CC2D2B: variants seen among roughly 807,000 people sequenced by gnomAD.
CC2D2B encodes the protein coiled-coil and C2 domain containing 2B, also known as protein CC2D2B.
In CC2D2B, 128 loss-of-function variants were observed where a neutral mutation model predicts 161.2. The ratio of observed to expected loss-of-function variants is 0.79; its 90% CI spans 0.69 to 0.92. The LOEUF is 0.92. CC2D2B is among the 40% of genes least tolerant of loss of function. CC2D2B has a pLI of 0.00. For missense variants in CC2D2B, 1,173 were observed against 1,375.1 expected, an observed-to-expected ratio of 0.85 and a Z score of 2.32; for synonymous variants, 391 against 449.8, an observed-to-expected ratio of 0.87 and a Z score of 1.65.
chr10:96,026,063 G>C (rs1414772735), intron 33 of CC2D2B, among the ~76,000 whole-genome samples: 1 of 152,164 alleles, frequency 6.6e-6, no homozygotes, highest in Non-Finnish European at 1.5e-5. Context: ...TCAATATCTG[G>C]AGGTGAAACA....
rs376467214 is a variant in CC2D2B at position 95,988,860 on chromosome 10, A to G, written c.2379+518A>G. Among the ~76,000 whole-genome samples the G allele has an allele frequency of 1.4e-4, 22 of 152,210 alleles. No homozygotes were observed. The South Asian group carries it at 4.6e-3, about 32-fold the overall frequency. ...TCACTGGATTTCATGCCTGATTTCT[A>G]TCAACCCCTCATCATGCCACTAGAC... On this transcript the variant is annotated intron_variant, in intron 20 of 34. Coordinates refer to ENST00000646931, the MANE Select transcript of CC2D2B (RefSeq NM_001349008.3).
chr10:95,986,673 T>G (rs1049866662), intron 19 of CC2D2B, among the ~76,000 whole-genome samples: 4 of 152,098 alleles, frequency 2.6e-5, no homozygotes, highest in Non-Finnish European at 5.9e-5. Flanking sequence ...CTCGGCTCAG[T>G]GCAACCTCCA....
intron 9 of CC2D2B, among the ~76,000 whole-genome samples, chr10:95,947,650 G>A (rs533815407): frequency 1.3e-5 from 2 of 152,006 alleles, no homozygotes; most frequent in Non-Finnish European, 2.9e-5. Context: ...GCTGAGGCAG[G>A]AGCATCGCTT....
intron 7 of CC2D2B, 46 bp from the exon 8 acceptor site, chr10:95,938,523 A>T (rs1030492339): frequency 1.5e-6 from 1 of 650,054 alleles, no homozygotes. Context: ...ATATCCATTT[A>T]ATATTTTGGA....
chr10:96,019,905 T>C, intron 32 of CC2D2B, 81 bp downstream of exon 32: 2 of 1,273,344 alleles, frequency 1.6e-6, no homozygotes, highest in South Asian at 1.6e-5. Flanking sequence ...GCTCTTATTA[T>C]GTTTTATAGT....
chr10:95,916,303 G>A (rs1322587262), intron 2 of CC2D2B, among the ~76,000 whole-genome samples: 1 of 151,600 alleles, frequency 6.6e-6, no homozygotes, highest in African/African-American at 2.4e-5. Flanking sequence ...TTGTCTTAGT[G>A]AGTCTGGCTA....
intron 14 of CC2D2B, among the ~76,000 whole-genome samples, chr10:95,967,462 ATCTATT>A (rs140602504): frequency 0.071 from 10,772 of 152,098 alleles, 1,232 homozygotes; most frequent in East Asian, 0.6. Flanking sequence ...CATTGCTGTC[ATCTATT>A]TAACACACCC....
At position 96,026,792 on chromosome 10, in the gene CC2D2B, T is replaced by A. The variant is rs138899127; in HGVS notation, c.3948-420T>A. 1.2e-4 allele frequency among the ~76,000 whole-genome samples: 18 copies of A among 152,216 alleles called. No homozygotes were observed. In the East Asian group the frequency reaches 3.1e-3, roughly 26 times the overall value. On this transcript the variant is annotated intron_variant, in intron 33 of 34. Transcript: ENST00000646931. ...CACCTCTAGCTATAGAGCTCTGGTTTCCTCCTAAGTCCAAAAAGTATCATT... is the reference window on the plus strand; with the variant it reads ...CACCTCTAGCTATAGAGCTCTGGTTACCTCCTAAGTCCAAAAAGTATCATT...
chr10:95,955,385 T>TC lies in CC2D2B; in HGVS notation c.1012-9_1012-8insC, dbSNP rs2076538415. On this transcript the variant is annotated splice_polypyrimidine_tract_variant and intron_variant, in intron 10 of 34. Transcript: ENST00000646931. ...AATATACCGAAGAGCTCTTTTTTTT[T>TC]TGTTATAGCTGAAAGCACTGACAGA... The TC allele has an allele frequency of 5.0e-6, 2 of 398,002 alleles. No homozygotes were observed. The highest frequency in any genetic ancestry group is 4.4e-5 in the Admixed American group (1 of 22,652). 24.7% of individuals were successfully genotyped at this position (398,002 alleles called of 1,614,324 possible).
At chr10:95,917,040 T>C (rs1044027691) in intron 2 of CC2D2B, among the ~76,000 whole-genome samples, 3 of 152,216 alleles carry the variant, frequency 2.0e-5, no homozygotes, top group African/African-American at 7.2e-5. Flanking sequence ...CGTTTAGCTC[T>C]AATAATATTT....
intron 9 of CC2D2B, among the ~76,000 whole-genome samples, chr10:95,947,763 A>G (rs2076273741): frequency 6.6e-6 from 1 of 152,102 alleles, no homozygotes; most frequent in African/African-American, 2.4e-5. Context: ...ATAAAAAAAA[A>G]AAAAGATGGA....
chr10:95,910,276 T>G lies in CC2D2B; in HGVS notation c.-23-1025T>G, dbSNP rs561813769. On this transcript the variant is annotated intron_variant, in intron 1 of 34. Coordinates refer to ENST00000646931, the MANE Select transcript of CC2D2B (RefSeq NM_001349008.3). ...ATGATACTCTTGTATTAGGCCATTC[T>G]TGCGTTGCAATAGAAGAATACTGGG... Among the ~76,000 whole-genome samples the G allele has an allele frequency of 7.9e-5, 12 of 152,388 alleles. No homozygotes were observed. The East Asian group carries it at 2.3e-3, about 29-fold the overall frequency.
Position 96,024,885 on chromosome 10 carries a change from A to G in CC2D2B, c.3921A>G (p.Lys1307=). Residue 1307 remains lysine (K), a synonymous_variant, in exon 33 of 35, where the codon AAA becomes AAG. Coordinates refer to ENST00000646931, the MANE Select transcript of CC2D2B (RefSeq NM_001349008.3). The stretch of plus-strand genomic sequence containing the variant: ...AAATAATTTATTTTGAAACTGATAA[A>G]AGCATGGTAGAAGATCTAAGGAATA... The part of the protein sequence containing the change: ...PEEIIYFETD[K]SMVEDLRNRI... 6.5e-7 allele frequency: 1 copy of G among 1,532,002 alleles called. No homozygotes were observed. The highest frequency in any genetic ancestry group is 1.2e-5 in the South Asian group (1 of 83,558). The allele number at this position is 1,532,002 out of a possible 1,614,324, so 94.9% of individuals were successfully genotyped here.
chr10:95,912,604 T>A (rs957889597), intron 2 of CC2D2B, among the ~76,000 whole-genome samples: 1 of 152,112 alleles, frequency 6.6e-6, no homozygotes, highest in Non-Finnish European at 1.5e-5. Context: ...AAAATAAGGT[T>A]GCTGAACGTT....
At chr10:96,000,059 C>G in intron 24 of CC2D2B, 1 of 1,473,648 alleles carries the variant, frequency 6.8e-7, no homozygotes, top group Non-Finnish European at 9.1e-7. Context: ...ATTGTAGACT[C>G]TTCCAGTTTT....
chr10:95,941,762 G>A (rs774327363), intron 9 of CC2D2B, among the ~76,000 whole-genome samples: 7 of 152,094 alleles, frequency 4.6e-5, no homozygotes, highest in East Asian at 1.9e-4. Flanking sequence ...AAAATGGTGC[G>A]ACCACTATGG....
At chr10:96,008,535 C>A (rs1371102712) in intron 25 of CC2D2B, among the ~76,000 whole-genome samples, 1 of 152,200 alleles carries the variant, frequency 6.6e-6, no homozygotes, top group African/African-American at 2.4e-5. Flanking sequence ...TAGGAGACTT[C>A]CAGTTCTTTC....
Position 95,992,574 on chromosome 10 carries a change from TA to T in CC2D2B, c.2523del (p.Lys841AsnfsTer26), listed in dbSNP as rs2077999199. 1 of 1,234,138 alleles carries T rather than the reference TA, an allele frequency of 8.1e-7. No homozygotes were observed. The allele number at this position is 1,234,138 out of a possible 1,614,324, so 76.4% of individuals were successfully genotyped here. A position where few individuals can be genotyped will look rare whatever the true frequency, so the allele number is the denominator to read the frequency against. On this transcript the variant is annotated frameshift_variant, in exon 22 of 35. Transcript: ENST00000646931. LOFTEE classifies it high-confidence loss of function. ...AAGTTTGTTGAACCACGGAGAAAGT[TA>T]AAACCTCAGAGGAAAGAAAGGAAAA... ...VCKFVEPRRK[L>X]KPQRKERKKV...
intron 6 of CC2D2B, among the ~76,000 whole-genome samples, chr10:95,935,741 G>A (rs1326988697): frequency 2.0e-5 from 3 of 152,020 alleles, no homozygotes; most frequent in Non-Finnish European, 4.4e-5. Context: ...TGTGTCCCCC[G>A]CTAACTTTGG....
Sources: gnomAD v4.1 joint callset for allele counts (sites outside exome capture counted in the v4.1 genomes callset) on GRCh38, gnomAD v4.1.1 for gene constraint, MANE v1.5 for transcripts, NCBI Gene and HGNC (gene_info 2026-07-23, HGNC 2026-07-21) for gene names.